Variants in CPNE8 observed in about 807,000 individuals in gnomAD.
CPNE8 encodes the protein copine-8.
A neutral mutation model predicts 81.5 loss-of-function variants in CPNE8; 45 were observed. That is an observed-to-expected ratio of 0.55 (90% CI 0.44 to 0.71). The LOEUF (loss-of-function observed/expected upper bound fraction) is 0.71. CPNE8 is among the 30% of genes least tolerant of loss of function. The pLI is 0.00. For missense variants in CPNE8, 594 were observed against 672.1 expected, an observed-to-expected ratio of 0.88 and a Z score of 1.28; for synonymous variants, 252 against 226.3, an observed-to-expected ratio of 1.11 and a Z score of -1.02.
intron 6 of CPNE8, among the ~76,000 whole-genome samples, chr12:38,802,140 G>T (rs1290118161): frequency 7.0e-5 from 2 of 28,520 alleles, no homozygotes; most frequent in African/African-American, 1.1e-4. Flanking sequence ...ATTGAACTCA[G>T]CTCTGCACCA....
intron 14 of CPNE8, among the ~76,000 whole-genome samples, chr12:38,695,343 C>T (rs909831312): frequency 1.3e-5 from 2 of 152,150 alleles, no homozygotes; most frequent in Non-Finnish European, 2.9e-5. Flanking sequence ...CAATAAGAAC[C>T]AATTAGCAAA....
intron 3 of CPNE8, among the ~76,000 whole-genome samples, chr12:38,871,634 G>T (rs1396892379): frequency 6.6e-6 from 1 of 152,190 alleles, no homozygotes; most frequent in East Asian, 1.9e-4. Context: ...TCCAAGCATG[G>T]ATTTTTCTTT....
intron 1 of CPNE8, among the ~76,000 whole-genome samples, chr12:38,886,745 T>G (rs1944242880): frequency 6.6e-6 from 1 of 152,170 alleles, no homozygotes; most frequent in Admixed American, 6.5e-5. Context: ...TCTTGATATC[T>G]TTTTAAGTTT....
intron 10 of CPNE8, among the ~76,000 whole-genome samples, chr12:38,746,992 T>A (rs1014069342): frequency 2.0e-5 from 3 of 152,218 alleles, no homozygotes; most frequent in African/African-American, 7.2e-5. Flanking sequence ...ACATGAGTGA[T>A]CTGCAGGCCA....
intron 3 of CPNE8, among the ~76,000 whole-genome samples, chr12:38,865,718 T>A (rs1034251945): frequency 2.6e-5 from 4 of 152,168 alleles, no homozygotes; most frequent in African/African-American, 9.7e-5. Context: ...GCTGTATAAT[T>A]TGTGCCCTTC....
intron 7 of CPNE8, among the ~76,000 whole-genome samples, chr12:38,769,303 C>T (rs1022269161): frequency 2.0e-4 from 30 of 152,172 alleles, no homozygotes; most frequent in Admixed American, 3.9e-4. Flanking sequence ...ATTCTAGCAA[C>T]GTATAGTGAC....
chr12:38,886,316 C>A (rs1366668057), intron 1 of CPNE8, among the ~76,000 whole-genome samples: 1 of 152,130 alleles, frequency 6.6e-6, no homozygotes, highest in African/African-American at 2.4e-5. Flanking sequence ...ATCATAGTAT[C>A]CTCCTCATAG....
intron 10 of CPNE8, among the ~76,000 whole-genome samples, chr12:38,756,068 A>G (rs1003601810): frequency 2.0e-5 from 3 of 148,966 alleles, no homozygotes; most frequent in East Asian, 2.0e-4. Context: ...ACAGGTAACT[A>G]TATTTCTTCT....
At chr12:38,798,684 A>C (rs1221351060) in intron 6 of CPNE8, among the ~76,000 whole-genome samples, 1 of 152,170 alleles carries the variant, frequency 6.6e-6, no homozygotes, top group African/African-American at 2.4e-5. Flanking sequence ...ACAGGATCAA[A>C]TTCACACATA....
At chr12:38,831,152 G>A (rs559940683) in intron 5 of CPNE8, among the ~76,000 whole-genome samples, 82 of 152,210 alleles carry the variant, frequency 5.4e-4, no homozygotes, top group Non-Finnish European at 9.1e-4. Context: ...AAGATAATTG[G>A]ACATTCTAGA....
intron 1 of CPNE8, among the ~76,000 whole-genome samples, chr12:38,878,237 C>T (rs1363581965): frequency 6.6e-6 from 1 of 152,182 alleles, no homozygotes; most frequent in Admixed American, 6.5e-5. Flanking sequence ...AATAAACTTG[C>T]TTTCACTTTA....
intron 19 of CPNE8, among the ~76,000 whole-genome samples, chr12:38,655,164 C>T (rs1332846041): frequency 6.6e-6 from 1 of 152,050 alleles, no homozygotes; most frequent in Non-Finnish European, 1.5e-5. Flanking sequence ...TTTTCAATGG[C>T]AAAAACCGCA....
At chr12:38,880,537 C>A (rs1944137512) in intron 1 of CPNE8, among the ~76,000 whole-genome samples, 1 of 152,168 alleles carries the variant, frequency 6.6e-6, no homozygotes, top group Admixed American at 6.5e-5. Context: ...GTGACAGCAT[C>A]ACTGAGCCCC....
At chr12:38,657,553 A>T (rs979793910) in intron 19 of CPNE8, among the ~76,000 whole-genome samples, 2 of 152,192 alleles carry the variant, frequency 1.3e-5, no homozygotes, top group African/African-American at 4.8e-5. Context: ...TTGAGCTCTG[A>T]GAACGAACAG....
Position 38,693,773 on chromosome 12 carries a change from C to A in CPNE8, c.1027G>T (p.Ala343Ser), listed in dbSNP as rs758052946. ...NPYQLNAYGM[A>S]LKAVGEIVQD... ...ACAATTTCTCCCACTGCTTTTAGTG[C>A]CATACCATAGGCATTCAGTTGGTAA... Residue 343 changes from alanine (A) to serine (S), a missense_variant, in exon 15 of 20, where the codon GCA (alanine) becomes TCA (serine). Ala to Ser is a moderately conservative substitution (Grantham distance 99). Transcript: ENST00000331366. The A allele has an allele frequency of 1.2e-6, 2 of 1,613,234 alleles. No individual in the cohort carries two copies. The highest frequency in any genetic ancestry group is 2.2e-5 in the East Asian group (1 of 44,764).
chr12:38,763,038 T>C (rs1259836116), intron 8 of CPNE8, among the ~76,000 whole-genome samples: 1 of 152,190 alleles, frequency 6.6e-6, no homozygotes, highest in African/African-American at 2.4e-5. Context: ...TTTGTATTTT[T>C]AGTAGAGACG....
intron 19 of CPNE8, among the ~76,000 whole-genome samples, chr12:38,662,680 A>G (rs1268754996): frequency 6.6e-6 from 1 of 152,146 alleles, no homozygotes; most frequent in African/African-American, 2.4e-5. Context: ...CCAAATAGCC[A>G]AAGCAATTCT....
In CPNE8 at chr12:38,653,101, G is replaced by C. The variant is rs1368584912; in HGVS notation, c.*781C>G. 1 of 152,302 alleles carries C rather than the reference G, an allele frequency of 6.6e-6. No individual in the cohort carries two copies. Among genetic ancestry groups the C allele is most frequent in the Non-Finnish European group, 1.5e-5 (1 of 68,006 alleles). The allele number at this position is 152,302 out of a possible 1,614,324, so 9.4% of individuals were successfully genotyped here. A position where few individuals can be genotyped will look rare whatever the true frequency, so the allele number is the denominator to read the frequency against. On this transcript the variant is annotated 3_prime_UTR_variant, in exon 20 of 20. Coordinates refer to ENST00000331366, the MANE Select transcript of CPNE8 (RefSeq NM_153634.3). ...TGCTACTTTTTACAAAGTATTTTCT[G>C]TGCATTTATAGATCACAATGTTTGA...
At chr12:38,768,003 G>A (rs907136128) in intron 7 of CPNE8, among the ~76,000 whole-genome samples, 1 of 151,900 alleles carries the variant, frequency 6.6e-6, no homozygotes, top group Non-Finnish European at 1.5e-5. Flanking sequence ...ATTAAGCTAG[G>A]TGATGCCAGG....
Sources: allele counts gnomAD v4.1 joint callset (sites outside exome capture counted in the v4.1 genomes callset), GRCh38; gene constraint gnomAD v4.1.1; transcripts MANE v1.5; gene names NCBI Gene and HGNC (gene_info 2026-07-23, HGNC 2026-07-21).